The following CENPP variants were observed in gnomAD, a reference collection of about 807,000 sequenced individuals.
The protein encoded by CENPP is centromere protein P.
In CENPP, 24 loss-of-function variants were observed where a neutral mutation model predicts 35.6. The observed-to-expected ratio is 0.67, with a 90% CI of 0.49 to 0.95. CENPP has a LOEUF of 0.95. CENPP is among the 40% of genes least tolerant of loss of function. The pLI, the probability that CENPP is intolerant of heterozygous loss-of-function variation, is 0.00. For synonymous variants in CENPP, 120 were observed against 125.5 expected, an observed-to-expected ratio of 0.96 and a Z score of 0.29; for missense variants, 332 against 345.3, an observed-to-expected ratio of 0.96 and a Z score of 0.31.
At chr9:92,459,579 T>C (rs562364640) in intron 5 of CENPP, 9 of 1,577,122 alleles carry the variant, frequency 5.7e-6, no homozygotes, top group East Asian at 4.5e-5. Context: ...AAGTGTGTTA[T>C]AAAAACTGAA....
chr9:92,435,730 C>T (rs1476603310), intron 5 of CENPP, among the ~76,000 whole-genome samples: 2 of 152,212 alleles, frequency 1.3e-5, no homozygotes, highest in African/African-American at 2.4e-5. Context: ...TGAGGTGCTG[C>T]ATGTATCACT....
At chr9:92,442,690 CA>C (rs949687372) in intron 5 of CENPP, among the ~76,000 whole-genome samples, 6 of 149,192 alleles carry the variant, frequency 4.0e-5, no homozygotes, top group East Asian at 2.0e-4. Flanking sequence ...ACTAAAAATA[CA>C]AAAAAAAATT....
chr9:92,555,487 C>T (rs1849706249), intron 5 of CENPP, among the ~76,000 whole-genome samples: 1 of 151,932 alleles, frequency 6.6e-6, no homozygotes, highest in African/African-American at 2.4e-5. Context: ...TCTCAGCCTC[C>T]CAAAGTGCTG....
intron 4 of CENPP, among the ~76,000 whole-genome samples, chr9:92,352,534 T>C (rs1296772230): frequency 1.7e-5 from 2 of 120,242 alleles, no homozygotes; most frequent in African/African-American, 7.7e-5. Context: ...TATATATATA[T>C]ATATAATATA....
At chr9:92,396,410 G>A in intron 5 of CENPP, among the ~76,000 whole-genome samples, 1 of 151,716 alleles carries the variant, frequency 6.6e-6, no homozygotes, top group East Asian at 1.9e-4. Context: ...TTTTGATTGG[G>A]ATTGTGTTGA....
intron 5 of CENPP, among the ~76,000 whole-genome samples, chr9:92,439,321 A>T (rs1844325691): frequency 6.6e-6 from 1 of 152,110 alleles, no homozygotes; most frequent in Admixed American, 6.5e-5. Flanking sequence ...GGTGAAAATT[A>T]GGTAATTTTT....
At chr9:92,458,164 T>G (rs1192813396) in intron 5 of CENPP, among the ~76,000 whole-genome samples, 1 of 152,218 alleles carries the variant, frequency 6.6e-6, no homozygotes, top group Non-Finnish European at 1.5e-5. Context: ...TGTACATGTC[T>G]TTTTAAATTA....
At chr9:92,569,369 T>A (rs1025306086) in intron 5 of CENPP, among the ~76,000 whole-genome samples, 1 of 152,198 alleles carries the variant, frequency 6.6e-6, no homozygotes. Context: ...TTTGTCAGGT[T>A]TGTCAAAGAT....
chr9:92,464,733 T>G (rs1220798934), intron 5 of CENPP: 2 of 694,408 alleles, frequency 2.9e-6, no homozygotes, highest in Admixed American at 4.0e-5. Flanking sequence ...AAATTGTGGC[T>G]TAATTCTGTC....
At chr9:92,563,859 A>G (rs1849903007) in intron 5 of CENPP, among the ~76,000 whole-genome samples, 1 of 151,032 alleles carries the variant, frequency 6.6e-6, no homozygotes, top group Non-Finnish European at 1.5e-5. Context: ...TGAGTGCAGG[A>G]AAGAAGTGGC....
intron 5 of CENPP, among the ~76,000 whole-genome samples, chr9:92,605,302 T>C (rs1430201175): frequency 1.3e-5 from 2 of 152,188 alleles, no homozygotes; most frequent in Non-Finnish European, 2.9e-5. Context: ...TACATTTCTA[T>C]GTATGATTCA....
At chr9:92,472,977 A>G (rs1845582408) in intron 5 of CENPP, among the ~76,000 whole-genome samples, 3 of 152,214 alleles carry the variant, frequency 2.0e-5, no homozygotes, top group Non-Finnish European at 4.4e-5. Flanking sequence ...AGGAAGAGTG[A>G]TAAGTGCCCA....
intron 5 of CENPP, among the ~76,000 whole-genome samples, chr9:92,585,294 AG>A (rs1234430528): frequency 6.6e-6 from 1 of 152,156 alleles, no homozygotes. Context: ...TATATTTTTG[AG>A]GGGGGATAGT....
intron 5 of CENPP, among the ~76,000 whole-genome samples, chr9:92,569,412 A>G: frequency 6.6e-6 from 1 of 152,088 alleles, no homozygotes; most frequent in Non-Finnish European, 1.5e-5. Flanking sequence ...ATTCTTTCTG[A>G]GGGCTCTGTT....
At chr9:92,575,189 AAGG>A (rs1405689180) in intron 5 of CENPP, among the ~76,000 whole-genome samples, 1 of 152,254 alleles carries the variant, frequency 6.6e-6, no homozygotes, top group Non-Finnish European at 1.5e-5. Flanking sequence ...TAGTCAACTT[AAGG>A]AGAAGAGACA....
intron 5 of CENPP, chr9:92,510,009 T>G: frequency 6.2e-7 from 1 of 1,603,700 alleles, no homozygotes; most frequent in South Asian, 1.1e-5. Context: ...TCCATCCATA[T>G]TCAAACGCAT....
At chr9:92,493,283 C>G (rs982989474) in intron 5 of CENPP, among the ~76,000 whole-genome samples, 4 of 152,178 alleles carry the variant, frequency 2.6e-5, no homozygotes, top group Admixed American at 6.5e-5. Flanking sequence ...TGTCTGAAAA[C>G]CACTGATCTG....
At chr9:92,353,685 T>G (rs1428827719) in intron 4 of CENPP, among the ~76,000 whole-genome samples, 1 of 152,176 alleles carries the variant, frequency 6.6e-6, no homozygotes, top group Non-Finnish European at 1.5e-5. Context: ...TTGTTGTGTC[T>G]CCTGGAGGCA....
chr9:92,414,349 A>G (rs948073684), intron 5 of CENPP: 2 of 198,244 alleles, frequency 1.0e-5, no homozygotes, highest in African/African-American at 2.3e-5. Context: ...AGGCCTTTCT[A>G]TGGTTGTATT....
Sources: gnomAD v4.1 joint callset for allele counts (sites outside exome capture counted in the v4.1 genomes callset) on GRCh38, gnomAD v4.1.1 for gene constraint, MANE v1.5 for transcripts, NCBI Gene and HGNC (gene_info 2026-07-23, HGNC 2026-07-21) for gene names.